TRAF3: variants seen among roughly 807,000 people sequenced by gnomAD.
The protein encoded by TRAF3 is TNF receptor associated factor 3, also known as TNF receptor-associated factor 3.
In TRAF3, 13 loss-of-function variants were observed where a neutral mutation model predicts 62.3. The observed-to-expected ratio is 0.21, with a 90% CI of 0.14 to 0.33. TRAF3 has a LOEUF of 0.33. TRAF3 is among the 10% of genes least tolerant of loss of function. The pLI is 1.00. For missense variants in TRAF3, 440 were observed against 741.8 expected (o/e 0.59, Z 4.73); for synonymous variants, 269 against 283.4 (o/e 0.95, Z 0.51).
chr14:102,803,208 CT>C (rs1356247369), intron 1 of TRAF3, among the ~76,000 whole-genome samples: 6 of 152,158 alleles, frequency 3.9e-5, no homozygotes, highest in Non-Finnish European at 5.9e-5. Context: ...TCCTGGCAGG[CT>C]TTTTATAGAG....
chr14:102,820,594 ATATATATATATATATATATATTTTTTTTT>A (rs1262152222), intron 1 of TRAF3, among the ~76,000 whole-genome samples: 769 of 10,052 alleles, frequency 0.077, 51 homozygotes, highest in African/African-American at 0.14. Context: ...ATATATATAT[ATATATATATATATATATATATTTTTTTTT>A]TTTTTTTTTT....
intron 2 of TRAF3, among the ~76,000 whole-genome samples, chr14:102,869,841 C>T (rs375031857): frequency 7.9e-5 from 12 of 151,870 alleles, no homozygotes; most frequent in East Asian, 2.0e-4. Flanking sequence ...GACAGGGCCT[C>T]GCTCTGTTGC....
intron 1 of TRAF3, among the ~76,000 whole-genome samples, chr14:102,782,547 T>TA (rs1364404190): frequency 6.6e-6 from 1 of 152,114 alleles, no homozygotes; most frequent in Admixed American, 6.6e-5. Flanking sequence ...CTCTAAAATT[T>TA]AAAAAAAGTC....
At chr14:102,797,139 CTG>C (rs1195901057) in intron 1 of TRAF3, among the ~76,000 whole-genome samples, 2 of 152,214 alleles carry the variant, frequency 1.3e-5, no homozygotes, top group African/African-American at 4.8e-5. Flanking sequence ...TGTCTCCTCT[CTG>C]TGTTCTGCAT....
At chr14:102,800,604 T>C (rs1457550396) in intron 1 of TRAF3, among the ~76,000 whole-genome samples, 2 of 152,326 alleles carry the variant, frequency 1.3e-5, no homozygotes, top group South Asian at 2.1e-4. Flanking sequence ...CCTGAACTTA[T>C]GTGAGGCTAT....
intron 9 of TRAF3, among the ~76,000 whole-genome samples, chr14:102,896,559 G>A (rs1890018918): frequency 6.6e-6 from 1 of 152,152 alleles, no homozygotes; most frequent in Admixed American, 6.5e-5. Context: ...ACACACACAC[G>A]TTGGTATAAG....
At chr14:102,789,382 G>A (rs1179275725) in intron 1 of TRAF3, among the ~76,000 whole-genome samples, 1 of 152,148 alleles carries the variant, frequency 6.6e-6, no homozygotes, top group Admixed American at 6.5e-5. Flanking sequence ...ACCTAGGAGT[G>A]GAATTGCTGG....
intron 1 of TRAF3, among the ~76,000 whole-genome samples, chr14:102,800,695 CTTTTTTTTT>C (rs369818329): frequency 1.5e-5 from 2 of 133,182 alleles, no homozygotes; most frequent in Non-Finnish European, 3.2e-5. Context: ...TGTTCTTTTC[CTTTTTTTTT>C]TTTTTTTTTT....
chr14:102,870,132 T>C (rs753518472), intron 2 of TRAF3, 53 bp from the exon 3 acceptor site: 9 of 1,612,990 alleles, frequency 5.6e-6, no homozygotes, highest in Non-Finnish European at 7.6e-6. Context: ...AAAGCTGTGT[T>C]TGTTTCCTTG....
At chr14:102,797,116 C>T (rs918481703) in intron 1 of TRAF3, among the ~76,000 whole-genome samples, 3 of 152,198 alleles carry the variant, frequency 2.0e-5, no homozygotes, top group Non-Finnish European at 4.4e-5. Context: ...CAGTTGAAAA[C>T]GTGCCCTTGG....
chr14:102,817,569 T>C (rs1595320928), intron 1 of TRAF3, among the ~76,000 whole-genome samples: 1 of 152,158 alleles, frequency 6.6e-6, no homozygotes, highest in South Asian at 2.1e-4. Flanking sequence ...AGGCCTTCCT[T>C]TCAGCAGTGG....
intron 8 of TRAF3, among the ~76,000 whole-genome samples, chr14:102,890,752 ATTGTAT>A (rs1595400306): frequency 6.6e-6 from 1 of 152,152 alleles, no homozygotes; most frequent in Non-Finnish European, 1.5e-5. Context: ...TACTCTGTAG[ATTGTAT>A]TTGTTTTGTA....
intron 10 of TRAF3, among the ~76,000 whole-genome samples, chr14:102,899,829 C>T (rs1004750419): frequency 4.6e-5 from 7 of 152,028 alleles, no homozygotes; most frequent in East Asian, 1.9e-4. Flanking sequence ...TTTGCCTGTC[C>T]GGGGAACGAT....
chr14:102,884,354 A>C (rs1889240386), intron 6 of TRAF3, among the ~76,000 whole-genome samples: 1 of 152,226 alleles, frequency 6.6e-6, no homozygotes, highest in African/African-American at 2.4e-5. Context: ...CCATCTTCAG[A>C]AATCTTATTT....
chr14:102,881,049 TG>T (rs1195387546), intron 6 of TRAF3, among the ~76,000 whole-genome samples: 1 of 151,898 alleles, frequency 6.6e-6, no homozygotes, highest in Non-Finnish European at 1.5e-5. Flanking sequence ...CCCAAGATCA[TG>T]CACTCCAGCC....
intron 1 of TRAF3, among the ~76,000 whole-genome samples, chr14:102,823,059 C>T (rs762295754): frequency 5.9e-5 from 9 of 151,408 alleles, no homozygotes; most frequent in Non-Finnish European, 8.8e-5. Flanking sequence ...GAGCCAATTA[C>T]AGGATTGTGC....
At chr14:102,882,692 C>T (rs571283674) in intron 6 of TRAF3, among the ~76,000 whole-genome samples, 1 of 151,926 alleles carries the variant, frequency 6.6e-6, no homozygotes, top group African/African-American at 2.4e-5. Flanking sequence ...AATTCTCCTA[C>T]ACTCCCTGTG....
chr14:102,796,402 A>C (rs535762217), intron 1 of TRAF3, among the ~76,000 whole-genome samples: 2 of 152,358 alleles, frequency 1.3e-5, no homozygotes, highest in South Asian at 4.1e-4. Flanking sequence ...CTGTAAGTAC[A>C]TATTTCCCTG....
At chr14:102,848,665 C>T (rs1486646851) in intron 2 of TRAF3, among the ~76,000 whole-genome samples, 1 of 152,196 alleles carries the variant, frequency 6.6e-6, no homozygotes, top group African/African-American at 2.4e-5. Context: ...CAAATAATTG[C>T]AGTTAACTGA....
Sources: gnomAD v4.1 joint callset for allele counts (sites outside exome capture counted in the v4.1 genomes callset) on GRCh38, gnomAD v4.1.1 for gene constraint, MANE v1.5 for transcripts, NCBI Gene and HGNC (gene_info 2026-07-23, HGNC 2026-07-21) for gene names.